LANCL2: variants seen among roughly 807,000 people sequenced by gnomAD.
The protein encoded by LANCL2 is LanC like glutathione S-transferase 2.
A neutral mutation model predicts 56.9 loss-of-function variants in LANCL2; 33 were observed. The observed-to-expected ratio is 0.58, with a 90% CI of 0.44 to 0.78. The LOEUF (loss-of-function observed/expected upper bound fraction) is 0.78, where lower values mean the gene tolerates loss of function less well. Ranked by LOEUF, LANCL2 falls within the 30% of genes least tolerant of loss-of-function variation. The pLI is 0.00. For synonymous variants in LANCL2, 233 were observed against 228.2 expected, an observed-to-expected ratio of 1.02 and a Z score of -0.19; for missense variants, 562 against 580.2, an observed-to-expected ratio of 0.97 and a Z score of 0.32.
At chr7:55,377,800 CAA>C (rs1430967059) in intron 1 of LANCL2, among the ~76,000 whole-genome samples, 3 of 152,208 alleles carry the variant, frequency 2.0e-5, no homozygotes, top group African/African-American at 7.2e-5. Context: ...ATCTCAGAAT[CAA>C]GAGATAAAAC....
intron 5 of LANCL2, among the ~76,000 whole-genome samples, chr7:55,407,083 T>G (rs1046584529): frequency 6.6e-6 from 1 of 152,170 alleles, no homozygotes; most frequent in African/African-American, 2.4e-5. Context: ...GCATGTGCAG[T>G]GGTTGGACCT....
At chr7:55,370,744 G>A (rs1182718747) in intron 1 of LANCL2, among the ~76,000 whole-genome samples, 1 of 152,124 alleles carries the variant, frequency 6.6e-6, no homozygotes, top group Non-Finnish European at 1.5e-5. Context: ...CCATGAGCAA[G>A]GACTTAAGGG....
intron 6 of LANCL2, among the ~76,000 whole-genome samples, chr7:55,415,968 G>A (rs1030287710): frequency 2.0e-5 from 3 of 152,126 alleles, no homozygotes; most frequent in Non-Finnish European, 4.4e-5. Flanking sequence ...GGAACAAGCT[G>A]CTATGAACAT....
chr7:55,400,220 C>A, intron 4 of LANCL2, 116 bp downstream of exon 4: 1 of 878,236 alleles, frequency 1.1e-6, no homozygotes, highest in Non-Finnish European at 1.6e-6. Context: ...TTTAAAGCAA[C>A]TCATCAAAAG....
chr7:55,388,450 G>T (rs1790149740), intron 1 of LANCL2, among the ~76,000 whole-genome samples: 1 of 152,190 alleles, frequency 6.6e-6, no homozygotes, highest in Non-Finnish European at 1.5e-5. Flanking sequence ...GGAGGCTGAG[G>T]CACGAGAATG....
intron 1 of LANCL2, among the ~76,000 whole-genome samples, chr7:55,389,276 A>T (rs1254398859): frequency 6.6e-6 from 1 of 152,138 alleles, no homozygotes; most frequent in East Asian, 1.9e-4. Context: ...TGGGACTGGA[A>T]AAGGTGTCAC....
In LANCL2 at chr7:55,370,646, G is replaced by A. The variant is rs141016273; in HGVS notation, c.204+4417G>A. Among the ~76,000 whole-genome samples the A allele has an allele frequency of 1.6e-4, 25 of 152,322 alleles. No individual in the cohort carries two copies. The East Asian group carries it at 4.6e-3, about 28-fold the overall frequency. The stretch of plus-strand genomic sequence containing the variant: ...GAAGACGTGTTAATTCTGCCCATTC[G>A]CATCAGGGAAGGCTTTTTAGACTAA... On this transcript the variant is annotated intron_variant, in intron 1 of 8. Transcript: ENST00000254770.
chr7:55,379,665 A>G (rs1790043576), intron 1 of LANCL2: 1 of 152,704 alleles, frequency 6.5e-6, no homozygotes, highest in Non-Finnish European at 1.5e-5. Flanking sequence ...AAAGGTCAAG[A>G]CACAGGAGGC....
rs1171647351 is a variant in LANCL2 at position 55,431,255 on chromosome 7, G to C, written c.1288G>C (p.Asp430His). 3.1e-6 allele frequency: 5 copies of C among 1,613,584 alleles called. No homozygotes were observed. In the South Asian group the frequency reaches 4.4e-5, roughly 14 times the overall value. The part of the protein sequence containing the change: ...GMAGAIHFLS[D>H]VLGPETSRFP... ...GGCTGGCGCTATTCACTTTCTCTCT[G>C]ATGTCCTGGGACCAGAGACATCACG... is the stretch of plus-strand genomic sequence containing the variant. Residue 430 changes from aspartate (D) to histidine (H), a missense_variant, in exon 9 of 9, where the codon GAT becomes CAT. Asp to His is a moderately conservative substitution (Grantham distance 81, BLOSUM62 -1). This residue lies in a region of LANCL2 where 378 missense variants were observed against 468.4 expected (regional missense o/e 0.81). Transcript: ENST00000254770.
Position 55,433,048 on chromosome 7 carries a change from C to G in LANCL2, c.*1728C>G, listed in dbSNP as rs1394368356. ...TTCCCATCCTCCCCACCCACCACATCAAAACATAACACATCACAGCACTCA... is the reference window on the plus strand; with the variant it reads ...TTCCCATCCTCCCCACCCACCACATGAAAACATAACACATCACAGCACTCA... On this transcript the variant is annotated 3_prime_UTR_variant, in exon 9 of 9. Coordinates refer to ENST00000254770, the MANE Select transcript of LANCL2 (RefSeq NM_018697.4). 6.6e-6 allele frequency: 1 copy of G among 152,386 alleles called. No homozygotes were observed. The highest frequency in any genetic ancestry group is 1.5e-5 in the Non-Finnish European group (1 of 68,090). 9.4% of individuals were successfully genotyped at this position (152,386 alleles called of 1,614,324 possible).
In LANCL2 at chr7:55,402,734, C is replaced by T. The variant is rs562463154; in HGVS notation, c.825+1414C>T. Among the ~76,000 whole-genome samples the T allele has an allele frequency of 4.0e-3, 482 of 120,336 alleles. 8 individuals are homozygous for T. The highest frequency in any genetic ancestry group is 0.015 in the African/African-American group (404 of 27,080). The allele number at this position is 120,336 out of a possible 152,430, so 78.9% of individuals were successfully genotyped here. ...CCTCCCTCCCAGACGGGGTGGCTGC[C>T]GGGCGGAGACGCTCCTCACTTCTCA... On this transcript the variant is annotated intron_variant, in intron 5 of 8. Coordinates refer to ENST00000254770, the MANE Select transcript of LANCL2 (RefSeq NM_018697.4).
At chr7:55,400,237 A>G (rs1790305557) in intron 4 of LANCL2, 133 bp downstream of exon 4, 2 of 646,170 alleles carry the variant, frequency 3.1e-6, no homozygotes, top group African/African-American at 1.9e-5. Flanking sequence ...AAAGTAAGAA[A>G]TAGTCCCTGC....
intron 5 of LANCL2, among the ~76,000 whole-genome samples, chr7:55,404,338 T>G (rs1297233777): frequency 1.3e-5 from 2 of 152,296 alleles, no homozygotes; most frequent in African/African-American, 2.4e-5. Flanking sequence ...ATTTAAGCTT[T>G]CTTTATTCTG....
chr7:55,373,563 G>T (rs75969563), intron 1 of LANCL2, among the ~76,000 whole-genome samples: 7,709 of 152,162 alleles, frequency 0.051, 659 homozygotes, highest in African/African-American at 0.17. Context: ...GCTTCCCAAA[G>T]TGTTGGGATT....
At chr7:55,382,016 G>A (rs1183653086) in intron 1 of LANCL2, among the ~76,000 whole-genome samples, 1 of 152,198 alleles carries the variant, frequency 6.6e-6, no homozygotes, top group Admixed American at 6.5e-5. Flanking sequence ...CTTTTAGGTA[G>A]GTGCGGGAGG....
At chr7:55,380,834 AT>A (rs1790059276) in intron 1 of LANCL2, among the ~76,000 whole-genome samples, 1 of 142,160 alleles carries the variant, frequency 7.0e-6, no homozygotes, top group Non-Finnish European at 1.5e-5. Context: ...TCTATAGAGT[AT>A]GTTACAGTGC....
chr7:55,398,682 G>T, intron 3 of LANCL2, 52 bp downstream of exon 3: 2 of 1,321,930 alleles, frequency 1.5e-6, no homozygotes, highest in Non-Finnish European at 2.2e-6. Context: ...GGAAGCTCTT[G>T]CTGTAGAAAG....
At chr7:55,393,742 T>C (rs1344836821) in intron 2 of LANCL2, among the ~76,000 whole-genome samples, 1 of 152,206 alleles carries the variant, frequency 6.6e-6, no homozygotes, top group East Asian at 1.9e-4. Context: ...ATTTACATAG[T>C]GACATTACAT....
Position 55,365,970 on chromosome 7 carries a change from G to A in LANCL2, c.-56G>A. 1 of 1,315,552 alleles carries A rather than the reference G, an allele frequency of 7.6e-7. No homozygotes were observed. The allele number at this position is 1,315,552 out of a possible 1,614,324, so 81.5% of individuals were successfully genotyped here. ...CTCGGAGGAGGCGGCGGCGGGGCGA[G>A]CTGCAGCGCCGGGACAGGAGGTTTG... On this transcript the variant is annotated 5_prime_UTR_variant, in exon 1 of 9. Coordinates refer to ENST00000254770, the MANE Select transcript of LANCL2 (RefSeq NM_018697.4).
Sources: gnomAD v4.1 joint callset for allele counts (sites outside exome capture counted in the v4.1 genomes callset) on GRCh38, gnomAD v4.1.1 for gene constraint, gnomAD v4.1.1 regional missense constraint, MANE v1.5 for transcripts, NCBI Gene and HGNC (gene_info 2026-07-23, HGNC 2026-07-21) for gene names.